The following PCDH9 variants were observed in gnomAD, a reference collection of about 807,000 sequenced individuals.
The protein encoded by PCDH9 is protocadherin 9.
A neutral mutation model predicts 70.6 loss-of-function variants in PCDH9; 24 were observed. The ratio of observed to expected loss-of-function variants is 0.34; its 90% CI spans 0.25 to 0.48. PCDH9 has a LOEUF of 0.48. Ranked by LOEUF, PCDH9 falls within the 20% of genes least tolerant of loss-of-function variation. PCDH9 has a pLI of 0.99. For missense variants in PCDH9, 1,281 were observed against 1,503.6 expected (o/e 0.85, Z 2.45); for synonymous variants, 562 against 558.5 (o/e 1.01, Z -0.09).
At chr13:66,573,126 A>G (rs1050319039) in intron 4 of PCDH9, among the ~76,000 whole-genome samples, 1 of 151,882 alleles carries the variant, frequency 6.6e-6, no homozygotes, top group South Asian at 2.1e-4. Flanking sequence ...TAGTCATTTT[A>G]CCTGAGGTCA....
chr13:67,184,877 C>T (rs2088710705), intron 2 of PCDH9, among the ~76,000 whole-genome samples: 1 of 152,180 alleles, frequency 6.6e-6, no homozygotes, highest in South Asian at 2.1e-4. Flanking sequence ...TCTGACCTGT[C>T]AAAAGATTAT....
At chr13:67,178,717 T>C (rs1434759665) in intron 2 of PCDH9, among the ~76,000 whole-genome samples, 1 of 152,110 alleles carries the variant, frequency 6.6e-6, no homozygotes, top group African/African-American at 2.4e-5. Context: ...ATTTAAGTTC[T>C]ACTGGATTTA....
intron 3 of PCDH9, among the ~76,000 whole-genome samples, chr13:66,848,667 A>G (rs541191472): frequency 8.5e-5 from 13 of 152,178 alleles, no homozygotes; most frequent in East Asian, 7.7e-4. Flanking sequence ...GGTGGCTTAC[A>G]CCTGTAATCC....
chr13:66,346,711 G>A (rs1956217758), intron 4 of PCDH9, among the ~76,000 whole-genome samples: 1 of 152,102 alleles, frequency 6.6e-6, no homozygotes, highest in African/African-American at 2.4e-5. Flanking sequence ...TGAGATAGAG[G>A]GCAGGAGCTA....
intron 2 of PCDH9, chr13:67,218,803 A>G (rs965488594): frequency 6.6e-6 from 1 of 152,154 alleles, no homozygotes; most frequent in African/African-American, 2.4e-5. Context: ...AAATGATAGA[A>G]TCAATCAAAT....
intron 3 of PCDH9, among the ~76,000 whole-genome samples, chr13:66,772,614 A>C (rs976152066): frequency 6.6e-6 from 1 of 152,126 alleles, no homozygotes; most frequent in African/African-American, 2.4e-5. Flanking sequence ...AATAACCCAT[A>C]ACATGGTATG....
chr13:66,348,178 C>T (rs1014671323), intron 4 of PCDH9, among the ~76,000 whole-genome samples: 22 of 151,984 alleles, frequency 1.4e-4, no homozygotes, highest in African/African-American at 4.8e-4. Flanking sequence ...TTGTTTTACC[C>T]TCTTTTCTGT....
chr13:67,194,306 C>A (rs2985926), intron 2 of PCDH9, among the ~76,000 whole-genome samples: 139,189 of 151,992 alleles, frequency 0.92, 64,227 homozygotes, highest in Non-Finnish European at 0.97. Context: ...CCAAATAAAA[C>A]CATAGGGGAC....
At chr13:67,128,277 C>A (rs1414224471) in intron 2 of PCDH9, among the ~76,000 whole-genome samples, 1 of 152,124 alleles carries the variant, frequency 6.6e-6, no homozygotes, top group African/African-American at 2.4e-5. Flanking sequence ...TTTGGATATG[C>A]TGAAATTTTT....
intron 4 of PCDH9, among the ~76,000 whole-genome samples, chr13:66,515,083 A>T (rs893892996): frequency 2.0e-5 from 3 of 152,014 alleles, no homozygotes; most frequent in Admixed American, 2.0e-4. Flanking sequence ...TTAGCATCTA[A>T]CTTTAAAATA....
chr13:67,154,601 T>C (rs1272132505), intron 2 of PCDH9, among the ~76,000 whole-genome samples: 3 of 93,438 alleles, frequency 3.2e-5, no homozygotes, highest in African/African-American at 1.3e-4. Context: ...AAAAAATATA[T>C]ATATACACAC....
intron 2 of PCDH9, among the ~76,000 whole-genome samples, chr13:66,980,602 T>TG (rs557967838): frequency 7.2e-4 from 110 of 152,126 alleles, no homozygotes; most frequent in Non-Finnish European, 1.3e-3. Context: ...TATGTTTTTA[T>TG]TTTTCCATTA....
chr13:66,685,253 T>G (rs1444261379), intron 3 of PCDH9, among the ~76,000 whole-genome samples: 8 of 152,182 alleles, frequency 5.3e-5, no homozygotes, highest in African/African-American at 1.7e-4. Context: ...GTCTTGAGAC[T>G]ATTTGTCCTG....
intron 4 of PCDH9, among the ~76,000 whole-genome samples, chr13:66,560,754 C>G (rs1033684336): frequency 1.3e-5 from 2 of 152,216 alleles, no homozygotes; most frequent in East Asian, 3.8e-4. Flanking sequence ...CTTAAAATAC[C>G]TCTTTGATTT....
At chr13:66,312,104 G>A (rs1459000218) in intron 4 of PCDH9, among the ~76,000 whole-genome samples, 18 of 152,172 alleles carry the variant, frequency 1.2e-4, no homozygotes. Context: ...TTTAGCCCTA[G>A]TAGAATGATG....
intron 3 of PCDH9, among the ~76,000 whole-genome samples, chr13:66,797,975 G>A (rs987221329): frequency 9.2e-5 from 14 of 151,722 alleles, no homozygotes; most frequent in African/African-American, 3.4e-4. Flanking sequence ...GTGTGTGTGT[G>A]TGTGTGTGTA....
At chr13:66,530,359 C>A (rs527488151) in intron 4 of PCDH9, among the ~76,000 whole-genome samples, 2 of 152,024 alleles carry the variant, frequency 1.3e-5, no homozygotes, top group Admixed American at 1.3e-4. Context: ...GACTTGGTAA[C>A]ATTTTACTTC....
chr13:67,169,954 G>A (rs540933983), intron 2 of PCDH9, among the ~76,000 whole-genome samples: 4 of 152,246 alleles, frequency 2.6e-5, no homozygotes, highest in African/African-American at 9.6e-5. Context: ...GAACCAGTTA[G>A]GTACGTCTCT....
Position 67,026,231 on chromosome 13 carries a change from G to A in PCDH9, c.3037-122626C>T, listed in dbSNP as rs539582621. Among the ~76,000 whole-genome samples the A allele has an allele frequency of 1.1e-4, 17 of 152,228 alleles. 1 individual carries two copies. The South Asian group carries it at 3.3e-3, about 30-fold the overall frequency. ...TGGTGGATAAGCTTTTTGATGTGCT[G>A]CTGGATTTGGTTCCCCAGTATTTTA... On this transcript the variant is annotated intron_variant, in intron 2 of 4. Coordinates refer to ENST00000377865, the MANE Select transcript of PCDH9 (RefSeq NM_203487.3).
Sources: allele counts gnomAD v4.1 joint callset (sites outside exome capture counted in the v4.1 genomes callset), GRCh38; gene constraint gnomAD v4.1.1; transcripts MANE v1.5; gene names NCBI Gene and HGNC (gene_info 2026-07-23, HGNC 2026-07-21).